Variants in ARFIP1 observed in about 807,000 individuals in gnomAD.
The protein encoded by ARFIP1 is arfaptin-1.
Under a neutral mutation model 42.5 loss-of-function variants are expected in ARFIP1, and 24 were observed. The ratio of observed to expected loss-of-function variants is 0.57; its 90% CI spans 0.41 to 0.80. The LOEUF (loss-of-function observed/expected upper bound fraction) is 0.80, where lower values mean the gene tolerates loss of function less well. ARFIP1 is among the 30% of genes least tolerant of loss of function. The probability of loss-of-function intolerance (pLI) is 0.00; values close to 1 mark genes in which losing one functional copy is unlikely to be tolerated. For synonymous variants in ARFIP1, 141 were observed against 153.7 expected (o/e 0.92, Z 0.61); for missense variants, 354 against 434.0 (o/e 0.82, Z 1.64).
intron 1 of ARFIP1, among the ~76,000 whole-genome samples, chr4:152,787,844 A>G (rs1241317947): frequency 6.6e-6 from 1 of 152,258 alleles, no homozygotes; most frequent in Non-Finnish European, 1.5e-5. Flanking sequence ...CTGAAATCCA[A>G]AACATTTCTA....
Position 152,881,120 on chromosome 4 carries a change from T to G in ARFIP1, c.569T>G (p.Val190Gly). The part of the protein sequence containing the change: ...QTLSTQLFQM[V>G]HTQRQLGDAF... ...TTGTCGACCCAGCTTTTCCAGATGG[T>G]ACATACCCAAAGGCAACTTGGAGAT... is the stretch of plus-strand genomic sequence containing the variant. The change falls in exon 6 of 9, where the codon GTA (valine) becomes GGA (glycine). Residue 190 changes from valine to glycine, a missense_variant. By Grantham distance (109) the Val-to-Gly change is moderately radical. Coordinates refer to ENST00000353617, the MANE Select transcript of ARFIP1 (RefSeq NM_001025595.3). 1 of 1,613,946 alleles carries G rather than the reference T, an allele frequency of 6.2e-7. No homozygotes were observed. Among genetic ancestry groups the G allele is most frequent in the Non-Finnish European group, 8.5e-7 (1 of 1,179,908 alleles).
chr4:152,808,100 C>T (rs1301155556), intron 1 of ARFIP1, among the ~76,000 whole-genome samples: 1 of 152,038 alleles, frequency 6.6e-6, no homozygotes, highest in African/African-American at 2.4e-5. Context: ...CCTGCCTCAG[C>T]CTCCCAAGTA....
intron 2 of ARFIP1, among the ~76,000 whole-genome samples, chr4:152,844,550 A>T (rs1261167504): frequency 6.6e-6 from 1 of 152,084 alleles, no homozygotes; most frequent in Non-Finnish European, 1.5e-5. Flanking sequence ...AGAAAAGGAA[A>T]ACATAGGTTG....
At chr4:152,872,265 A>G (rs1374937724) in intron 4 of ARFIP1, among the ~76,000 whole-genome samples, 187 bp from the exon 5 acceptor site, 1 of 152,162 alleles carries the variant, frequency 6.6e-6, no homozygotes. Context: ...AATGGACAGA[A>G]GTGTTGTTTA....
intron 1 of ARFIP1, among the ~76,000 whole-genome samples, chr4:152,821,770 ACAGACTAACAG>A (rs1269232114): frequency 6.6e-6 from 1 of 152,176 alleles, no homozygotes; most frequent in Non-Finnish European, 1.5e-5. Flanking sequence ...ATAAAGAAAA[ACAGACTAACAG>A]CAGACTTCTC....
intron 1 of ARFIP1, among the ~76,000 whole-genome samples, chr4:152,785,389 A>C (rs1293861300): frequency 6.6e-6 from 1 of 152,216 alleles, no homozygotes; most frequent in African/African-American, 2.4e-5. Flanking sequence ...TCACATACCT[A>C]AAAAGGGATG....
At chr4:152,859,572 C>A (rs1733712401) in intron 2 of ARFIP1, among the ~76,000 whole-genome samples, 1 of 152,112 alleles carries the variant, frequency 6.6e-6, no homozygotes. Context: ...TTCAAATTCT[C>A]TTTAGCAGCC....
intron 2 of ARFIP1, among the ~76,000 whole-genome samples, chr4:152,837,429 C>T (rs112269751): frequency 0.016 from 2,422 of 152,254 alleles, 60 homozygotes; most frequent in African/African-American, 0.055. Flanking sequence ...CGCATCCACA[C>T]CAACATGTAC....
chr4:152,804,505 A>ATAT (rs1306476923), intron 1 of ARFIP1, among the ~76,000 whole-genome samples: 3 of 128,636 alleles, frequency 2.3e-5, no homozygotes, highest in African/African-American at 8.8e-5. Context: ...TATATAATAT[A>ATAT]TATATATATA....
intron 8 of ARFIP1, among the ~76,000 whole-genome samples, chr4:152,900,650 A>C (rs1737750274): frequency 6.6e-6 from 1 of 152,100 alleles, no homozygotes; most frequent in Non-Finnish European, 1.5e-5. Flanking sequence ...ATACTCCACA[A>C]ACCTAATAAA....
chr4:152,804,506 T>TA (rs1375598039), intron 1 of ARFIP1, among the ~76,000 whole-genome samples: 9 of 128,978 alleles, frequency 7.0e-5, no homozygotes, highest in Admixed American at 9.6e-5. Flanking sequence ...ATATAATATA[T>TA]ATATATATAT....
intron 1 of ARFIP1, among the ~76,000 whole-genome samples, chr4:152,823,376 G>A (rs1359625840): frequency 6.6e-6 from 1 of 152,042 alleles, no homozygotes; most frequent in Non-Finnish European, 1.5e-5. Context: ...CACATCAATA[G>A]CAAGCAGTGA....
chr4:152,830,257 T>G (rs1731162446), intron 2 of ARFIP1, among the ~76,000 whole-genome samples: 1 of 152,154 alleles, frequency 6.6e-6, no homozygotes, highest in Non-Finnish European at 1.5e-5. Context: ...TGGGTTCAAA[T>G]TTCAGCTATG....
intron 1 of ARFIP1, among the ~76,000 whole-genome samples, chr4:152,807,704 G>A (rs1199257360): frequency 6.6e-6 from 1 of 151,104 alleles, no homozygotes; most frequent in Admixed American, 6.6e-5. Flanking sequence ...CTAGTCTGTG[G>A]TTCACCTTTT....
intron 1 of ARFIP1, among the ~76,000 whole-genome samples, chr4:152,788,210 C>T (rs1040535815): frequency 8.6e-5 from 13 of 151,980 alleles, no homozygotes; most frequent in African/African-American, 2.4e-4. Flanking sequence ...CCAGCCTGGG[C>T]GACAGCAAGA....
At chr4:152,804,366 T>TTATATATAATATAACATGTATTATATAC (rs1728795586) in intron 1 of ARFIP1, among the ~76,000 whole-genome samples, 6 of 86,362 alleles carry the variant, frequency 6.9e-5, no homozygotes, top group Non-Finnish European at 1.3e-4. Context: ...GTATTATATA[T>TTATATATAATATAACATGTATTATATAC]TATATATAAT....
intron 8 of ARFIP1, among the ~76,000 whole-genome samples, chr4:152,890,602 G>T (rs1381275284): frequency 6.6e-6 from 1 of 152,194 alleles, no homozygotes; most frequent in Admixed American, 6.6e-5. Context: ...TTTTAAGGCT[G>T]CACGACAGGG....
At chr4:152,787,228 G>C (rs1057064077) in intron 1 of ARFIP1, among the ~76,000 whole-genome samples, 1 of 152,162 alleles carries the variant, frequency 6.6e-6, no homozygotes, top group Non-Finnish European at 1.5e-5. Context: ...ACAAGAATTT[G>C]AATATGAATT....
chr4:152,884,527 G>A (rs940769568), intron 7 of ARFIP1, among the ~76,000 whole-genome samples: 3 of 151,814 alleles, frequency 2.0e-5, no homozygotes, highest in Non-Finnish European at 2.9e-5. Flanking sequence ...TTTAAAGATG[G>A]ATATTGTTTT....
Sources: allele counts gnomAD v4.1 joint callset (sites outside exome capture counted in the v4.1 genomes callset), GRCh38; gene constraint gnomAD v4.1.1; transcripts MANE v1.5; gene names NCBI Gene and HGNC (gene_info 2026-07-23, HGNC 2026-07-21).